The following PHF24 variants were observed in gnomAD, a reference collection of about 807,000 sequenced individuals.
The protein encoded by PHF24 is PHD finger protein 24, also known as Galpha inhibitory interacting protein.
In PHF24, 25 loss-of-function variants were observed where a neutral mutation model predicts 42.6. The ratio of observed to expected loss-of-function variants is 0.59; its 90% CI spans 0.43 to 0.82. The LOEUF (loss-of-function observed/expected upper bound fraction) is 0.82. PHF24 is among the 40% of genes least tolerant of loss of function. PHF24 has a pLI of 0.00. For synonymous variants in PHF24, 185 were observed against 204.8 expected (o/e 0.90, Z 0.83); for missense variants, 470 against 538.1 (o/e 0.87, Z 1.25).
chr9:34,843,441 C>T, the PHF24 span, among the ~76,000 whole-genome samples: 1 of 152,068 alleles, frequency 6.6e-6, no homozygotes, highest in South Asian at 2.1e-4. Flanking sequence ...CTATTCTGTT[C>T]CATTGATCTA....
At chr9:34,922,754 C>G in the PHF24 span, 2 of 1,591,014 alleles carry the variant, frequency 1.3e-6, no homozygotes, top group Non-Finnish European at 1.7e-6. Flanking sequence ...TCCAAGATGA[C>G]CTACGGGCTC....
the PHF24 span, among the ~76,000 whole-genome samples, chr9:34,688,379 C>G: frequency 6.6e-6 from 1 of 152,200 alleles, no homozygotes; most frequent in South Asian, 2.1e-4. Flanking sequence ...GAGGCACTCA[C>G]TCTGTACAGA....
chr9:34,833,180 A>T, the PHF24 span: 1 of 1,541,440 alleles, frequency 6.5e-7, no homozygotes, highest in Non-Finnish European at 8.8e-7. Flanking sequence ...TAGCATGGGG[A>T]CATGGGCTGG....
At chr9:34,752,105 A>C in the PHF24 span, among the ~76,000 whole-genome samples, 3 of 152,084 alleles carry the variant, frequency 2.0e-5, no homozygotes, top group Non-Finnish European at 4.4e-5. Flanking sequence ...AAAGTAGAAA[A>C]ATTTCAGATA....
chr9:34,972,806 C>T (rs1008953096), intron 3 of PHF24, among the ~76,000 whole-genome samples: 3 of 148,060 alleles, frequency 2.0e-5, no homozygotes, highest in African/African-American at 7.4e-5. Context: ...CCCAGCTACT[C>T]GGGAGGCTGA....
At chr9:34,891,795 T>C in the PHF24 span, among the ~76,000 whole-genome samples, 3 of 152,210 alleles carry the variant, frequency 2.0e-5, no homozygotes, top group African/African-American at 7.2e-5. Flanking sequence ...ATTGTATGAT[T>C]TCCTGGATCT....
At chr9:34,764,968 A>G in the PHF24 span, among the ~76,000 whole-genome samples, 2 of 152,076 alleles carry the variant, frequency 1.3e-5, no homozygotes, top group African/African-American at 4.8e-5. Context: ...CCCAGTAGTC[A>G]TTCAGGAGCA....
the PHF24 span, among the ~76,000 whole-genome samples, chr9:34,773,190 A>C: frequency 1.3e-5 from 2 of 152,112 alleles, no homozygotes; most frequent in Non-Finnish European, 2.9e-5. Context: ...GGGTTTCTCC[A>C]TGTTGGTCAG....
chr9:34,709,675 G>T, the PHF24 span: 1 of 1,613,886 alleles, frequency 6.2e-7, no homozygotes, highest in East Asian at 2.2e-5. Context: ...CGCTTGCGGG[G>T]CAAGAACCTG....
chr9:34,748,866 C>T, the PHF24 span, among the ~76,000 whole-genome samples: 1 of 151,922 alleles, frequency 6.6e-6, no homozygotes, highest in Admixed American at 6.6e-5. Flanking sequence ...AAATAAGGCA[C>T]CAGGGACCAA....
At chr9:34,700,025 A>G in the PHF24 span, among the ~76,000 whole-genome samples, 1 of 152,204 alleles carries the variant, frequency 6.6e-6, no homozygotes, top group African/African-American at 2.4e-5. Context: ...GATGAAGGTG[A>G]GGGAGAAATC....
chr9:34,954,765 A>C (rs1342038929), upstream of PHF24, among the ~76,000 whole-genome samples: 1 of 152,208 alleles, frequency 6.6e-6, no homozygotes, highest in Non-Finnish European at 1.5e-5. Context: ...GGTCCTTAAG[A>C]TGTTACTACT....
chr9:34,847,801 T>C, the PHF24 span, among the ~76,000 whole-genome samples: 1 of 152,170 alleles, frequency 6.6e-6, no homozygotes, highest in Non-Finnish European at 1.5e-5. Context: ...TTGAGAGTTT[T>C]TAGCATGAAG....
chr9:34,885,227 G>T, the PHF24 span, among the ~76,000 whole-genome samples: 33 of 152,312 alleles, frequency 2.2e-4, no homozygotes, highest in African/African-American at 7.7e-4. Flanking sequence ...GGCCATCTAG[G>T]GACTGGGCCC....
At chr9:34,976,403 G>A in intron 4 of PHF24, 132 bp from the exon 5 acceptor site, 1 of 1,075,194 alleles carries the variant, frequency 9.3e-7, no homozygotes, top group Non-Finnish European at 1.4e-6. Context: ...CAGCCTGGGT[G>A]ACCCTGGCCA....
the PHF24 span, chr9:34,710,056 G>C: frequency 1.2e-6 from 2 of 1,613,556 alleles, no homozygotes; most frequent in Non-Finnish European, 1.7e-6. Flanking sequence ...CAGAGCCAGT[G>C]ACTGAGCCAT....
the PHF24 span, among the ~76,000 whole-genome samples, chr9:34,870,730 A>C: frequency 6.6e-6 from 1 of 152,134 alleles, no homozygotes; most frequent in African/African-American, 2.4e-5. Flanking sequence ...ACTATTCACA[A>C]TGGCAAAGAC....
chr9:34,847,390 G>A, the PHF24 span, among the ~76,000 whole-genome samples: 1 of 152,082 alleles, frequency 6.6e-6, no homozygotes, highest in African/African-American at 2.4e-5. Context: ...CTCATGATTT[G>A]GCTCTCTGTT....
chr9:34,803,458 G>T, the PHF24 span, among the ~76,000 whole-genome samples: 1 of 151,650 alleles, frequency 6.6e-6, no homozygotes, highest in Non-Finnish European at 1.5e-5. Context: ...TAAATCTGTT[G>T]AAAGGCCAAG....
Sources: allele counts gnomAD v4.1 joint callset (sites outside exome capture counted in the v4.1 genomes callset), GRCh38; gene constraint gnomAD v4.1.1; transcripts MANE v1.5; gene names NCBI Gene and HGNC (gene_info 2026-07-23, HGNC 2026-07-21).